The following MNAT1 variants were observed in gnomAD, a reference collection of about 807,000 sequenced individuals.
MNAT1 encodes the protein MNAT1 component of CDK activating kinase, also known as CDK-activating kinase assembly factor MAT1.
A neutral mutation model predicts 42.0 loss-of-function variants in MNAT1; 43 were observed. The ratio of observed to expected loss-of-function variants is 1.02; its 90% CI spans 0.80 to 1.32. The LOEUF is 1.32. Among genes scored for constraint, MNAT1 ranks in the 40% most tolerant of loss-of-function variants. The pLI is 0.00. For missense variants in MNAT1, 306 were observed against 350.4 expected (o/e 0.87, Z 1.01); for synonymous variants, 118 against 120.0 (o/e 0.98, Z 0.11).
intron 1 of MNAT1, among the ~76,000 whole-genome samples, chr14:60,746,733 A>G (rs1245942208): frequency 6.7e-6 from 1 of 150,126 alleles, no homozygotes; most frequent in Non-Finnish European, 1.5e-5. Flanking sequence ...AGTGTACTTT[A>G]GTCTTTAAGA....
intron 1 of MNAT1, among the ~76,000 whole-genome samples, chr14:60,761,781 T>G (rs548740489): frequency 6.6e-5 from 10 of 152,322 alleles, no homozygotes; most frequent in African/African-American, 2.4e-4. Context: ...CCCTAGTAAT[T>G]AGGTTTCTTT....
chr14:60,751,811 C>T (rs542059979), intron 1 of MNAT1, among the ~76,000 whole-genome samples: 1 of 151,884 alleles, frequency 6.6e-6, no homozygotes, highest in Non-Finnish European at 1.5e-5. Flanking sequence ...TTGTATACCT[C>T]ACTCAGTTTT....
chr14:60,776,535 AC>A (rs2031256021), intron 1 of MNAT1, among the ~76,000 whole-genome samples: 1 of 152,000 alleles, frequency 6.6e-6, no homozygotes, highest in South Asian at 2.1e-4. Context: ...GAACAGGGAG[AC>A]CAGACCATAT....
chr14:60,821,192 G>T (rs1003690406), intron 6 of MNAT1, among the ~76,000 whole-genome samples: 1 of 152,088 alleles, frequency 6.6e-6, no homozygotes, highest in Admixed American at 6.5e-5. Context: ...ATGTTGCCCA[G>T]GCTGGCCTCA....
At chr14:60,794,362 C>T (rs994251025) in intron 1 of MNAT1, among the ~76,000 whole-genome samples, 1 of 151,742 alleles carries the variant, frequency 6.6e-6, no homozygotes, top group Non-Finnish European at 1.5e-5. Flanking sequence ...TTTTTAGTGA[C>T]ACTATTAAGA....
At chr14:60,954,519 G>A (rs901833633) in intron 7 of MNAT1, among the ~76,000 whole-genome samples, 6 of 151,926 alleles carry the variant, frequency 3.9e-5, no homozygotes, top group African/African-American at 1.4e-4. Context: ...AAATGGGATT[G>A]TTTTCTTGAT....
At position 60,808,342 on chromosome 14, in the gene MNAT1, A is replaced by G; in HGVS notation, c.334A>G (p.Asn112Asp). 1.3e-6 allele frequency: 2 copies of G among 1,575,160 alleles called. No homozygotes were observed. Residue 112 changes from asparagine (N) to aspartate (D), a missense_variant, in exon 4 of 8, where the codon AAT becomes GAT. Asn to Asp is a conservative substitution (Grantham distance 23, BLOSUM62 1). Coordinates refer to ENST00000261245, the MANE Select transcript of MNAT1 (RefSeq NM_002431.4). ...TAATGCAGTTTTCAACTTGACCAAC[A>G]ATGTGGATTTGGACAACACCAAAAA... is the stretch of plus-strand genomic sequence containing the variant. ...VEEIVFNLTNNVDLDNTKKKM... is the reference protein window; with the variant it reads ...VEEIVFNLTNDVDLDNTKKKM...
chr14:60,788,927 G>A (rs1348315110), intron 1 of MNAT1, among the ~76,000 whole-genome samples: 2 of 152,172 alleles, frequency 1.3e-5, no homozygotes, highest in Non-Finnish European at 2.9e-5. Context: ...TCTTAACATT[G>A]TGTGTCATTG....
At chr14:60,818,488 A>C (rs149500763) in intron 5 of MNAT1, among the ~76,000 whole-genome samples, 3 of 152,000 alleles carry the variant, frequency 2.0e-5, no homozygotes, top group African/African-American at 7.2e-5. Context: ...TGAAATAGGA[A>C]CTTTTAATGT....
At chr14:60,840,466 A>C (rs1191513003) in intron 6 of MNAT1, among the ~76,000 whole-genome samples, 1 of 152,198 alleles carries the variant, frequency 6.6e-6, no homozygotes, top group Non-Finnish European at 1.5e-5. Context: ...AGGGAACTAC[A>C]TTAGTATTCC....
At chr14:60,928,940 AGATC>A (rs2035821495) in intron 7 of MNAT1, among the ~76,000 whole-genome samples, 2 of 151,060 alleles carry the variant, frequency 1.3e-5, no homozygotes, top group South Asian at 2.1e-4. Flanking sequence ...CGAGGTCAGG[AGATC>A]AAGACCATCC....
intron 7 of MNAT1, among the ~76,000 whole-genome samples, chr14:60,914,959 A>T (rs1286103914): frequency 6.6e-6 from 1 of 152,252 alleles, no homozygotes; most frequent in Non-Finnish European, 1.5e-5. Context: ...CAAAATGTGG[A>T]CTAGATGACC....
intron 6 of MNAT1, among the ~76,000 whole-genome samples, chr14:60,869,040 A>ATATATATATATATATATATATTTT (rs1465360826): frequency 1.8e-5 from 2 of 113,050 alleles, no homozygotes; most frequent in Non-Finnish European, 3.7e-5. Context: ...ATATATATAT[A>ATATATATATATATATATATATTTT]TTTTTTTTTT....
chr14:60,858,181 A>C (rs536735523), intron 6 of MNAT1, among the ~76,000 whole-genome samples: 18 of 152,226 alleles, frequency 1.2e-4, no homozygotes, highest in Non-Finnish European at 2.5e-4. Flanking sequence ...ACTAATTTAC[A>C]CTCCTACCAA....
chr14:60,899,105 C>T (rs539597115), intron 7 of MNAT1, among the ~76,000 whole-genome samples: 58 of 152,196 alleles, frequency 3.8e-4, no homozygotes, highest in Non-Finnish European at 6.6e-4. Flanking sequence ...TATTATGTTC[C>T]ACTGATCTTG....
At chr14:60,889,514 G>C (rs1031790268) in intron 7 of MNAT1, among the ~76,000 whole-genome samples, 1 of 152,098 alleles carries the variant, frequency 6.6e-6, no homozygotes. Context: ...GAAAACCTAG[G>C]CAATACCATT....
chr14:60,741,229 T>C (rs769094841), intron 1 of MNAT1, among the ~76,000 whole-genome samples: 2 of 152,212 alleles, frequency 1.3e-5, no homozygotes, highest in Non-Finnish European at 2.9e-5. Context: ...AAAAAAATTT[T>C]TTAACCCATG....
At chr14:60,841,094 T>C (rs2033537453) in intron 6 of MNAT1, among the ~76,000 whole-genome samples, 2 of 152,168 alleles carry the variant, frequency 1.3e-5, no homozygotes. Flanking sequence ...TTACTTGATG[T>C]TAAAATTTCC....
chr14:60,910,955 G>A (rs942999844), intron 7 of MNAT1, among the ~76,000 whole-genome samples: 1 of 152,050 alleles, frequency 6.6e-6, no homozygotes. Context: ...ATCTGGTCCT[G>A]GACTTTTTTT....
Sources: gnomAD v4.1 joint callset for allele counts (sites outside exome capture counted in the v4.1 genomes callset) on GRCh38, gnomAD v4.1.1 for gene constraint, MANE v1.5 for transcripts, NCBI Gene and HGNC (gene_info 2026-07-23, HGNC 2026-07-21) for gene names.